Variants in ACLY observed in about 807,000 individuals in gnomAD.
The protein encoded by ACLY is ATP citrate lyase.
Under a neutral mutation model 133.0 loss-of-function variants are expected in ACLY, and 41 were observed. The observed-to-expected ratio is 0.31, with a 90% CI of 0.24 to 0.40. The LOEUF (loss-of-function observed/expected upper bound fraction) is 0.40, where lower values mean the gene tolerates loss of function less well. Ranked by LOEUF, ACLY falls within the 10% of genes least tolerant of loss-of-function variation. The pLI, the probability that ACLY is intolerant of heterozygous loss-of-function variation, is 1.00. For synonymous variants in ACLY, 495 were observed against 549.3 expected (o/e 0.90, Z 1.38); for missense variants, 1,046 against 1,453.8 (o/e 0.72, Z 4.56).
chr17:41,924,649 T>C (rs1555635809), intron 1 of ACLY, among the ~76,000 whole-genome samples: 1 of 152,118 alleles, frequency 6.6e-6, no homozygotes, highest in East Asian at 1.9e-4. Context: ...GGCCTGTGTG[T>C]CCTGGGGAAG....
At chr17:41,876,123 A>G (rs1555626090) in intron 22 of ACLY, among the ~76,000 whole-genome samples, 1 of 148,508 alleles carries the variant, frequency 6.7e-6, no homozygotes, top group African/African-American at 2.5e-5. Flanking sequence ...AGAAGTGAGG[A>G]GCCCCTCCGC....
intron 1 of ACLY, among the ~76,000 whole-genome samples, chr17:41,915,524 T>G (rs1567916038): frequency 1.3e-5 from 2 of 152,184 alleles, no homozygotes; most frequent in South Asian, 4.1e-4. Context: ...CTGGCTTGGC[T>G]GCCTCTGTCG....
intron 20 of ACLY, among the ~76,000 whole-genome samples, chr17:41,882,107 G>A (rs530015309): frequency 3.8e-4 from 58 of 151,970 alleles, no homozygotes; most frequent in African/African-American, 1.3e-3. Flanking sequence ...GGTGGCTCAC[G>A]CCTGTAATCC....
chr17:41,874,005 A>G (rs2048665664), intron 22 of ACLY, 40 bp from the exon 23 acceptor site: 2 of 1,546,572 alleles, frequency 1.3e-6, no homozygotes, highest in Non-Finnish European at 1.8e-6. Context: ...GGCCCTGGTG[A>G]CCACCACAGA....
intron 1 of ACLY, among the ~76,000 whole-genome samples, chr17:41,915,219 G>A (rs1164206912): frequency 1.3e-5 from 2 of 152,212 alleles, no homozygotes; most frequent in Non-Finnish European, 1.5e-5. Context: ...GGTAACTCAA[G>A]GACTGAGCTG....
chr17:41,895,275 C>T (rs782162827), intron 14 of ACLY, among the ~76,000 whole-genome samples: 5 of 152,238 alleles, frequency 3.3e-5, no homozygotes, highest in East Asian at 1.9e-4. Context: ...ATGTCACCCC[C>T]GCCAGGTGAC....
intron 1 of ACLY, among the ~76,000 whole-genome samples, chr17:41,928,688 C>T (rs782766551): frequency 1.3e-5 from 2 of 151,810 alleles, no homozygotes; most frequent in Non-Finnish European, 2.9e-5. Flanking sequence ...CTCATCTCTA[C>T]TAAAAATACA....
In ACLY at chr17:41,874,922, C is replaced by CAAA. The variant is rs76281431; in HGVS notation, c.2488-960_2488-958dup. On this transcript the variant is annotated intron_variant, in intron 22 of 28. Transcript: ENST00000352035. Reference sequence around the variant, plus strand: ...AGGAGAAGCATTCCTTGTGTTATAGCAAAAAAAAAAAAAAAAAAATGAGGC... The same window carrying CAAA: ...AGGAGAAGCATTCCTTGTGTTATAGCAAAAAAAAAAAAAAAAAAAAAATGAGGC... Among the ~76,000 whole-genome samples, 722 of 128,068 alleles carry CAAA rather than the reference C, an allele frequency of 5.6e-3. 15 individuals carry two copies. Among genetic ancestry groups the CAAA allele is most frequent in the African/African-American group, 0.019 (645 of 33,158 alleles). 84.0% of individuals were successfully genotyped at this position (128,068 alleles called of 152,430 possible).
chr17:41,909,210 C>A, intron 5 of ACLY, 142 bp from the exon 6 acceptor site: 1 of 717,976 alleles, frequency 1.4e-6, no homozygotes, highest in South Asian at 1.6e-5. Flanking sequence ...ATCTCCTCTG[C>A]AACCCCTGCT....
chr17:41,921,786 A>G (rs982959703), upstream of ACLY, among the ~76,000 whole-genome samples: 2 of 152,012 alleles, frequency 1.3e-5, no homozygotes, highest in Non-Finnish European at 2.9e-5. Context: ...CCTGGGCAAC[A>G]TAGTGAGTCA....
intron 20 of ACLY, among the ~76,000 whole-genome samples, chr17:41,882,608 C>A (rs1555627570): frequency 1.3e-5 from 2 of 151,990 alleles, no homozygotes; most frequent in African/African-American, 4.8e-5. Flanking sequence ...AGCAGAAGCC[C>A]AAGGAGTGTT....
chr17:41,876,434 C>T (rs1403177050), intron 22 of ACLY, among the ~76,000 whole-genome samples: 10 of 152,268 alleles, frequency 6.6e-5, no homozygotes, highest in East Asian at 1.9e-4. Flanking sequence ...TCATTGCGAG[C>T]GAGCCATGAT....
chr17:41,927,371 GC>G (rs1555636093), intron 1 of ACLY, among the ~76,000 whole-genome samples: 9 of 152,160 alleles, frequency 5.9e-5, no homozygotes, highest in African/African-American at 2.2e-4. Context: ...TGTTGCTCAG[GC>G]TGGAGTGCAG....
rs1022111590 is a variant in ACLY, at chr17:41,904,582, C to T, written c.1065+147G>A. ...TCCTGTCCCAGTGTCTTCTCCACCCCTTTAAGAGACCCTGGGGCAAGAGCT... is the reference window on the plus strand; with the variant it reads ...TCCTGTCCCAGTGTCTTCTCCACCCTTTTAAGAGACCCTGGGGCAAGAGCT... On this transcript the variant is annotated intron_variant, in intron 10 of 28. Coordinates refer to ENST00000352035, the MANE Select transcript of ACLY (RefSeq NM_001096.3). 4.2e-6 allele frequency: 3 copies of T among 713,494 alleles called. No individual in the cohort carries two copies. The South Asian group carries it at 5.2e-5, about 12-fold the overall frequency. The allele number at this position is 713,494 out of a possible 1,614,324, so 44.2% of individuals were successfully genotyped here. A position where few individuals can be genotyped will look rare whatever the true frequency, so the allele number is the denominator to read the frequency against.
intron 8 of ACLY, among the ~76,000 whole-genome samples, chr17:41,906,141 T>C (rs2144378677): frequency 6.6e-6 from 1 of 152,324 alleles, no homozygotes; most frequent in South Asian, 2.1e-4. Context: ...TAATATTCTA[T>C]AAAGCAAAGA....
At chr17:41,890,818 T>C (rs2049187150) in intron 16 of ACLY, among the ~76,000 whole-genome samples, 1 of 100,600 alleles carries the variant, frequency 9.9e-6, no homozygotes, top group Non-Finnish European at 1.8e-5. Flanking sequence ...CTGGCCAACA[T>C]GGTGAAACCC....
intron 17 of ACLY, among the ~76,000 whole-genome samples, chr17:41,887,371 G>C (rs1240801712): frequency 2.6e-5 from 4 of 151,988 alleles, no homozygotes; most frequent in African/African-American, 4.8e-5. Context: ...CCCGGAAGCG[G>C]AGGTTGCAGT....
rs557629627 is a variant in ACLY, at chr17:41,904,514, G to A, written c.1065+215C>T. 4.9e-4 allele frequency: 284 copies of A among 576,126 alleles called. 1 individual carries two copies. The highest frequency in any genetic ancestry group is 7.8e-4 in the South Asian group (37 of 47,418). The allele number at this position is 576,126 out of a possible 1,614,324, so 35.7% of individuals were successfully genotyped here. ...TCAGGTGGGAGAGTTATAGTTCAGC[G>A]TAGCAGCTGCTTGCCCAGAGACACA... On this transcript the variant is annotated intron_variant, in intron 10 of 28. Coordinates refer to ENST00000352035, the MANE Select transcript of ACLY (RefSeq NM_001096.3).
At position 41,909,670 on chromosome 17, in the gene ACLY, T is replaced by C; in HGVS notation, c.376A>G (p.Thr126Ala). Residue 126 changes from threonine to alanine, a missense_variant, in exon 5 of 29, where the codon ACC (threonine) becomes GCC (alanine). By Grantham distance (58) the Thr-to-Ala change is moderately conservative. Coordinates refer to ENST00000352035, the MANE Select transcript of ACLY (RefSeq NM_001096.3). The stretch of plus-strand genomic sequence containing the variant: ...AACAGGACGTAGTCCCCTTCTCGGG[T>C]GGCATAGATGCAGACATAGAACTCC... ...AEEFYVCIYA[T>A]REGDYVLFHH... 1 of 1,614,082 alleles carries C rather than the reference T, an allele frequency of 6.2e-7. No individual in the cohort carries two copies. The highest frequency in any genetic ancestry group is 8.5e-7 in the Non-Finnish European group (1 of 1,179,996).
Sources: allele counts gnomAD v4.1 joint callset (sites outside exome capture counted in the v4.1 genomes callset), GRCh38; gene constraint gnomAD v4.1.1; transcripts MANE v1.5; gene names NCBI Gene and HGNC (gene_info 2026-07-23, HGNC 2026-07-21).